Variants in DNAH14 observed in about 807,000 individuals in gnomAD.
DNAH14 encodes dynein axonemal heavy chain 14, also known as axonemal beta dynein heavy chain 14.
A neutral mutation model predicts 520.9 loss-of-function variants in DNAH14; 478 were observed. The ratio of observed to expected loss-of-function variants is 0.92; its 90% CI spans 0.85 to 0.99. DNAH14 has a LOEUF of 0.99. Ranked by LOEUF, DNAH14 falls within the 50% of genes least tolerant of loss-of-function variation. The pLI, the probability that DNAH14 is intolerant of heterozygous loss-of-function variation, is 0.00. For synonymous variants in DNAH14, 1,581 were observed against 1,757.2 expected (o/e 0.90, Z 2.51); for missense variants, 4,831 against 5,234.5 (o/e 0.92, Z 2.38).
chr1:225,252,415 G>C lies in DNAH14; in HGVS notation c.6863G>C (p.Arg2288Thr). 6.8e-7 allele frequency: 1 copy of C among 1,461,430 alleles called. No homozygotes were observed. Among genetic ancestry groups the C allele is most frequent in the South Asian group, 1.2e-5 (1 of 81,582 alleles). 90.5% of individuals were successfully genotyped at this position (1,461,430 alleles called of 1,614,324 possible). A position where few individuals can be genotyped will look rare whatever the true frequency, so the allele number is the denominator to read the frequency against. ...CCTAATGATCAGACACTAATTCAAAGAGGTAAGAATAATTATAAGAATCAT... is the reference window on the plus strand; with the variant it reads ...CCTAATGATCAGACACTAATTCAAACAGGTAAGAATAATTATAAGAATCAT... The part of the protein sequence containing the change: ...LVPNDQTLIQ[R>T]GTSLLTNLQR... The change falls in exon 44 of 86, where the codon AGA (arginine) becomes ACA (threonine). Residue 2288 changes from arginine (R) to threonine (T), a missense_variant and splice_region_variant. Coordinates refer to ENST00000682510, the MANE Select transcript of DNAH14 (RefSeq NM_001367479.1).
chr1:225,306,761 CA>C (rs1337349174), intron 58 of DNAH14, among the ~76,000 whole-genome samples: 1 of 152,110 alleles, frequency 6.6e-6, no homozygotes, highest in East Asian at 1.9e-4. Context: ...CATGCCAGGA[CA>C]ATCTTAAGAG....
chr1:225,272,214 T>A lies in DNAH14; in HGVS notation c.7839+141T>A, dbSNP rs1024324555. 2.0e-5 allele frequency: 15 copies of A among 758,404 alleles called. No individual in the cohort carries two copies. In the African/African-American group the frequency reaches 2.7e-4, roughly 14 times the overall value. 47.0% of individuals were successfully genotyped at this position (758,404 alleles called of 1,614,324 possible). On this transcript the variant is annotated intron_variant, in intron 51 of 85. Transcript: ENST00000682510. Reference sequence around the variant, plus strand: ...TGCTATTAGCAGCTTATCTCATGAGTTAGTTGAAGAAAAAATTGTTAAAAT... The same window carrying A: ...TGCTATTAGCAGCTTATCTCATGAGATAGTTGAAGAAAAAATTGTTAAAAT...
intron 1 of DNAH14, among the ~76,000 whole-genome samples, chr1:224,936,230 A>C (rs1348016888): frequency 6.6e-6 from 1 of 151,850 alleles, no homozygotes; most frequent in Non-Finnish European, 1.5e-5. Context: ...ATCTAAATGA[A>C]ATAGTGACTA....
At chr1:225,136,342 G>A (rs12074382) in intron 27 of DNAH14, among the ~76,000 whole-genome samples, 19,142 of 152,056 alleles carry the variant, frequency 0.13, 3,720 homozygotes, top group African/African-American at 0.42. Context: ...CTTGCAAGGC[G>A]GACCTGGTGA....
chr1:225,335,356 T>G (rs199669556), intron 66 of DNAH14, among the ~76,000 whole-genome samples: 1 of 61,790 alleles, frequency 1.6e-5, no homozygotes, highest in East Asian at 8.5e-4. Flanking sequence ...TGTATATGCA[T>G]ATACACGTGT....
At chr1:225,279,550 C>T (rs61849992) in intron 54 of DNAH14, among the ~76,000 whole-genome samples, 27,515 of 151,840 alleles carry the variant, frequency 0.18, 2,657 homozygotes, top group East Asian at 0.34. Flanking sequence ...CAGTTTAATT[C>T]AGTAAAAAAG....
At position 225,389,859 on chromosome 1, in the gene DNAH14, T is replaced by C. The variant is rs1468971069; in HGVS notation, c.13316T>C (p.Phe4439Ser). 1 of 1,551,672 alleles carries C rather than the reference T, an allele frequency of 6.4e-7. No individual in the cohort carries two copies. The highest frequency in any genetic ancestry group is 8.7e-7 in the Non-Finnish European group (1 of 1,146,960). ...GFPSRYWLPAFFFPQAFLAAV... is the reference protein window; with the variant it reads ...GFPSRYWLPASFFPQAFLAAV... ...CCTTCAAGATACTGGCTCCCAGCTT[T>C]CTTCTTTCCACAAGGTGAGCATTAG... Residue 4439 changes from phenylalanine (F) to serine (S), a missense_variant, in exon 83 of 86, where the codon TTC (phenylalanine) becomes TCC (serine). Physicochemically the swap from Phe to Ser is radical, Grantham distance 155. Coordinates refer to ENST00000682510, the MANE Select transcript of DNAH14 (RefSeq NM_001367479.1).
rs190147086 is a variant in DNAH14, at chr1:225,171,622, T to C, written c.5535+3594T>C. Among the ~76,000 whole-genome samples, 1,387 of 152,250 alleles carry C rather than the reference T, an allele frequency of 9.1e-3. 10 individuals carry two copies. Among genetic ancestry groups the C allele is most frequent in the Non-Finnish European group, 0.014 (932 of 68,004 alleles). On this transcript the variant is annotated intron_variant, in intron 36 of 85. Coordinates refer to ENST00000682510, the MANE Select transcript of DNAH14 (RefSeq NM_001367479.1). ...ATAACAGGCTCTGAAATTGAGGCAA[T>C]AATTAATAGCTTACCAACCAAAAGA...
intron 11 of DNAH14, among the ~76,000 whole-genome samples, chr1:225,037,194 G>A (rs559559823): frequency 6.6e-6 from 1 of 152,268 alleles, no homozygotes; most frequent in Non-Finnish European, 1.5e-5. Flanking sequence ...CTTTTGATTA[G>A]AGAATTTGGT....
At chr1:225,241,664 T>C (rs776650863) in intron 43 of DNAH14, among the ~76,000 whole-genome samples, 3 of 152,242 alleles carry the variant, frequency 2.0e-5, no homozygotes, top group Non-Finnish European at 4.4e-5. Flanking sequence ...CATGTTACTC[T>C]ACTGAATACT....
At chr1:225,351,913 CTT>C (rs2095370318) in intron 72 of DNAH14, 30 bp downstream of exon 72, 1 of 1,513,248 alleles carries the variant, frequency 6.6e-7, no homozygotes, top group Non-Finnish European at 9.0e-7. Context: ...TTTAACCTAA[CTT>C]AAGTATGTGT....
chr1:225,209,420 G>A (rs1370876993), intron 41 of DNAH14, among the ~76,000 whole-genome samples: 1 of 151,642 alleles, frequency 6.6e-6, no homozygotes, highest in Non-Finnish European at 1.5e-5. Context: ...AAGGTTCATG[G>A]TGGGAACAGG....
chr1:225,187,058 C>G (rs2084853934), intron 37 of DNAH14, among the ~76,000 whole-genome samples: 1 of 151,712 alleles, frequency 6.6e-6, no homozygotes, highest in Non-Finnish European at 1.5e-5. Context: ...TAGGAACACT[C>G]CTTGCTATAT....
Position 224,963,729 on chromosome 1 carries a change from A to G in DNAH14, c.368-750A>G, listed in dbSNP as rs147008202. ...ACCATATCCTTAATACTAATTTTCA[A>G]TACCTCACCTAGGGCACAAAATGTA... On this transcript the variant is annotated intron_variant, in intron 4 of 85. Transcript: ENST00000682510. Among the ~76,000 whole-genome samples, 43 of 152,196 alleles carry G rather than the reference A, an allele frequency of 2.8e-4. No individual in the cohort carries two copies. The East Asian group carries it at 8.1e-3, about 29-fold the overall frequency.
chr1:225,231,059 C>T lies in DNAH14; in HGVS notation c.6440-14C>T. The T allele has an allele frequency of 2.6e-6, 4 of 1,536,838 alleles. No individual in the cohort carries two copies. The highest frequency in any genetic ancestry group is 3.5e-6 in the Non-Finnish European group (4 of 1,138,022). On this transcript the variant is annotated splice_polypyrimidine_tract_variant and intron_variant, in intron 41 of 85. Transcript: ENST00000682510. ...CTGTTGTTAATTATGGAAAAATACT[C>T]TTTCCTTTTTAAGGTGATGATTTGA... is the stretch of plus-strand genomic sequence containing the variant.
intron 3 of DNAH14, among the ~76,000 whole-genome samples, chr1:224,955,897 G>T (rs1292827660): frequency 6.6e-6 from 1 of 152,118 alleles, no homozygotes; most frequent in Non-Finnish European, 1.5e-5. Flanking sequence ...TCTTGAAAGA[G>T]TAGCCTAGAC....
Position 225,381,545 on chromosome 1 carries a change from C to T in DNAH14, c.13043C>T (p.Ser4348Phe). Residue 4348 changes from serine (S) to phenylalanine (F), a missense_variant, in exon 81 of 86, where the codon TCT becomes TTT. By Grantham distance (155) the Ser-to-Phe change is radical (BLOSUM62 -2). Transcript: ENST00000682510. ...LTQELEEIFN[S>F]FLNMRVPTLW... ...CAAGAATTGGAGGAAATATTTAACT[C>T]TTTTCTTAATATGAGAGTGCCTACA... The T allele has an allele frequency of 6.5e-7, 1 of 1,536,350 alleles. No homozygotes were observed. Among genetic ancestry groups the T allele is most frequent in the Non-Finnish European group, 8.8e-7 (1 of 1,142,782 alleles).
chr1:225,328,327 T>C (rs2094721040), intron 64 of DNAH14, among the ~76,000 whole-genome samples: 1 of 152,194 alleles, frequency 6.6e-6, no homozygotes, highest in African/African-American at 2.4e-5. Flanking sequence ...AATTACAATA[T>C]TTTTAAATGG....
intron 72 of DNAH14, 60 bp downstream of exon 72, chr1:225,351,943 C>A: frequency 7.4e-7 from 1 of 1,353,012 alleles, no homozygotes; most frequent in Non-Finnish European, 1.0e-6. Flanking sequence ...TATGGATTTT[C>A]AATTTGTAAA....
Sources: gnomAD v4.1 joint callset for allele counts (sites outside exome capture counted in the v4.1 genomes callset) on GRCh38, gnomAD v4.1.1 for gene constraint, MANE v1.5 for transcripts, NCBI Gene and HGNC (gene_info 2026-07-23, HGNC 2026-07-21) for gene names.